Variants in APBB2 observed in about 807,000 individuals in gnomAD.
APBB2 encodes the protein Fe65-like 1.
Under a neutral mutation model 82.5 loss-of-function variants are expected in APBB2, and 38 were observed. The observed-to-expected ratio is 0.46, with a 90% CI of 0.36 to 0.60. APBB2 has a LOEUF of 0.60. Ranked by LOEUF, APBB2 falls within the 20% of genes least tolerant of loss-of-function variation. The pLI is 0.00. For synonymous variants in APBB2, 341 were observed against 368.2 expected, an observed-to-expected ratio of 0.93 and a Z score of 0.85; for missense variants, 772 against 972.3, an observed-to-expected ratio of 0.79 and a Z score of 2.74.
At chr4:41,210,445 C>A (rs889998324) in intron 1 of APBB2, among the ~76,000 whole-genome samples, 3 of 152,218 alleles carry the variant, frequency 2.0e-5, no homozygotes, top group African/African-American at 7.2e-5. Flanking sequence ...AGTCTTTCCT[C>A]CAAATCCCCC....
At chr4:40,907,379 A>ATATT (rs1491382228) in intron 10 of APBB2, among the ~76,000 whole-genome samples, 3 of 37,396 alleles carry the variant, frequency 8.0e-5, no homozygotes, top group African/African-American at 1.2e-4. Context: ...ATATATATAT[A>ATATT]TTTTTTTTTT....
At chr4:40,968,646 C>T (rs1795242051) in intron 6 of APBB2, among the ~76,000 whole-genome samples, 1 of 152,154 alleles carries the variant, frequency 6.6e-6, no homozygotes, top group Non-Finnish European at 1.5e-5. Flanking sequence ...GGTCTCACAA[C>T]ATGCCTTACA....
chr4:41,190,594 G>A (rs967267716), intron 1 of APBB2, among the ~76,000 whole-genome samples: 1 of 152,024 alleles, frequency 6.6e-6, no homozygotes, highest in African/African-American at 2.4e-5. Flanking sequence ...CCTCAGAAGA[G>A]GTAGGAAAAG....
At chr4:41,094,274 A>C (rs765065526) in intron 3 of APBB2, among the ~76,000 whole-genome samples, 11 of 152,246 alleles carry the variant, frequency 7.2e-5, no homozygotes, top group Non-Finnish European at 1.6e-4. Context: ...TACCTGCTGC[A>C]GCAATGAAGC....
At chr4:41,205,579 G>A (rs910015763) in intron 1 of APBB2, among the ~76,000 whole-genome samples, 2 of 152,142 alleles carry the variant, frequency 1.3e-5, no homozygotes, top group Admixed American at 6.5e-5. Context: ...AAAGGAACTA[G>A]AAAAACACAA....
Position 41,214,469 on chromosome 4 carries a change from C to T in APBB2, c.-481G>A, listed in dbSNP as rs899768509. On this transcript the variant is annotated 5_prime_UTR_variant, in exon 1 of 18. Transcript: ENST00000508593. ...GCGGCTCTGCTCCAGTCTCGCCCTT[C>T]CCGGAGCGCCCAGATCAGATGCGGT... 2.6e-5 allele frequency: 4 copies of T among 152,576 alleles called. No individual in the cohort carries two copies. Among genetic ancestry groups the T allele is most frequent in the East Asian group, 3.9e-4 (2 of 5,184 alleles). The allele number at this position is 152,576 out of a possible 1,614,324, so 9.5% of individuals were successfully genotyped here.
At chr4:41,166,808 A>T (rs1406564660) in intron 1 of APBB2, among the ~76,000 whole-genome samples, 2 of 151,872 alleles carry the variant, frequency 1.3e-5, no homozygotes, top group African/African-American at 4.8e-5. Context: ...GATGCAGGAG[A>T]TTCGCTTGAA....
At chr4:41,131,292 C>T (rs952033182) in intron 2 of APBB2, among the ~76,000 whole-genome samples, 2 of 152,044 alleles carry the variant, frequency 1.3e-5, no homozygotes, top group Admixed American at 6.6e-5. Context: ...TTTGAGTTTG[C>T]TATCTTTGTA....
intron 6 of APBB2, among the ~76,000 whole-genome samples, chr4:40,961,665 T>A (rs1578774851): frequency 2.6e-3 from 11 of 4,216 alleles, no homozygotes; most frequent in Non-Finnish European, 3.4e-3. Context: ...AAAAAAAAGA[T>A]GTAAAAAAAA....
chr4:40,817,650 C>A (rs1369102010), intron 17 of APBB2, among the ~76,000 whole-genome samples: 1 of 151,980 alleles, frequency 6.6e-6, no homozygotes, highest in Non-Finnish European at 1.5e-5. Context: ...CCACGTATAC[C>A]AAGGAAGGAC....
intron 12 of APBB2, among the ~76,000 whole-genome samples, chr4:40,886,134 A>T (rs1770175773): frequency 6.6e-6 from 1 of 152,222 alleles, no homozygotes; most frequent in Non-Finnish European, 1.5e-5. Flanking sequence ...ATAAGCCTCC[A>T]TCAACCACGA....
chr4:40,823,814 A>G, intron 15 of APBB2, 55 bp from the exon 16 acceptor site: 3 of 1,144,200 alleles, frequency 2.6e-6, no homozygotes, highest in Non-Finnish European at 3.9e-6. Context: ...CCACACTCAA[A>G]TGTGGGCCCA....
intron 6 of APBB2, among the ~76,000 whole-genome samples, chr4:41,004,090 T>C (rs1206755689): frequency 6.6e-6 from 1 of 152,044 alleles, no homozygotes; most frequent in Non-Finnish European, 1.5e-5. Context: ...TTTTTTAATT[T>C]TTATTTTCAG....
chr4:41,177,816 T>C (rs1009631389), intron 1 of APBB2: 1 of 152,204 alleles, frequency 6.6e-6, no homozygotes, highest in Non-Finnish European at 1.5e-5. Context: ...GTTTCAAGTT[T>C]TAGATTTTTC....
chr4:40,861,314 C>A (rs908929181), intron 12 of APBB2, among the ~76,000 whole-genome samples: 3 of 151,148 alleles, frequency 2.0e-5, no homozygotes, highest in African/African-American at 7.3e-5. Context: ...CACACCGCTG[C>A]ACTCCAGCCT....
At chr4:40,867,380 C>CATT (rs1287620085) in intron 12 of APBB2, among the ~76,000 whole-genome samples, 1 of 152,210 alleles carries the variant, frequency 6.6e-6, no homozygotes, top group Non-Finnish European at 1.5e-5. Context: ...TCATATCTAT[C>CATT]ATTTCACTAT....
At chr4:41,026,326 A>C (rs967562515) in intron 5 of APBB2, among the ~76,000 whole-genome samples, 37 of 152,160 alleles carry the variant, frequency 2.4e-4, no homozygotes, top group Non-Finnish European at 1.5e-5. Flanking sequence ...GTACCCCTGA[A>C]CCTAAAAGTT....
intron 1 of APBB2, among the ~76,000 whole-genome samples, chr4:41,212,366 A>G (rs1779530591): frequency 6.6e-6 from 1 of 151,860 alleles, no homozygotes; most frequent in Non-Finnish European, 1.5e-5. Flanking sequence ...CAGAAACAGG[A>G]TCTCACTCTG....
intron 17 of APBB2, 69 bp from the exon 18 acceptor site, chr4:40,816,328 G>A: frequency 1.3e-6 from 2 of 1,551,160 alleles, no homozygotes; most frequent in Non-Finnish European, 1.8e-6. Context: ...ATGACTTTAA[G>A]TCATGACCCA....
Sources: allele counts gnomAD v4.1 joint callset (sites outside exome capture counted in the v4.1 genomes callset), GRCh38; gene constraint gnomAD v4.1.1; transcripts MANE v1.5; gene names NCBI Gene and HGNC (gene_info 2026-07-23, HGNC 2026-07-21).